PTPRD: variants seen among roughly 807,000 people sequenced by gnomAD.
The protein encoded by PTPRD is protein tyrosine phosphatase receptor type D.
PTPRD carries 34 observed loss-of-function variants against 214.5 expected under a neutral mutation model. The observed-to-expected ratio is 0.16, with a 90% confidence interval of 0.12 to 0.21. The LOEUF (loss-of-function observed/expected upper bound fraction) is 0.21. PTPRD is among the 10% of genes least tolerant of loss of function. PTPRD has a pLI of 1.00. For synonymous variants in PTPRD, 1,128 were observed against 845.7 expected (o/e 1.33, Z -5.79); for missense variants, 2,545 against 2,398.7 (o/e 1.06, Z -1.27).
At chr9:8,610,176 C>T (rs1479538102) in intron 14 of PTPRD, among the ~76,000 whole-genome samples, 1 of 152,086 alleles carries the variant, frequency 6.6e-6, no homozygotes, top group East Asian at 1.9e-4. Flanking sequence ...TGTTGTTGTG[C>T]AAACACTGCT....
intron 2 of PTPRD, among the ~76,000 whole-genome samples, chr9:10,530,866 A>T (rs1274318002): frequency 6.6e-6 from 1 of 152,172 alleles, no homozygotes; most frequent in Non-Finnish European, 1.5e-5. Context: ...CCACTGCTAA[A>T]TGTAGAAGAT....
At chr9:8,792,512 A>G (rs2096269753) in intron 11 of PTPRD, among the ~76,000 whole-genome samples, 1 of 152,200 alleles carries the variant, frequency 6.6e-6, no homozygotes, top group African/African-American at 2.4e-5. Flanking sequence ...GAGGAAGACA[A>G]TGAGGAAATA....
intron 14 of PTPRD, among the ~76,000 whole-genome samples, chr9:8,539,588 A>C (rs184182821): frequency 6.6e-6 from 1 of 152,148 alleles, no homozygotes; most frequent in East Asian, 1.9e-4. Flanking sequence ...TTAAAAAATC[A>C]AAGTTAATAA....
intron 7 of PTPRD, among the ~76,000 whole-genome samples, chr9:9,628,329 G>C (rs1452958125): frequency 6.6e-6 from 1 of 152,108 alleles, no homozygotes; most frequent in Non-Finnish European, 1.5e-5. Flanking sequence ...TATCCTACCA[G>C]CAGCTCAAAA....
At chr9:8,783,725 T>C (rs1056471913) in intron 11 of PTPRD, among the ~76,000 whole-genome samples, 11 of 152,202 alleles carry the variant, frequency 7.2e-5, no homozygotes, top group Admixed American at 3.3e-4. Context: ...CGTTTCAATA[T>C]TGCAGTACTG....
At chr9:9,136,108 T>G (rs1340911801) in intron 10 of PTPRD, among the ~76,000 whole-genome samples, 1 of 152,138 alleles carries the variant, frequency 6.6e-6, no homozygotes, top group Admixed American at 6.6e-5. Flanking sequence ...CGTCATAGTA[T>G]AGAAAGGTGA....
At chr9:9,023,101 G>A (rs967329070) in intron 10 of PTPRD, among the ~76,000 whole-genome samples, 1 of 152,014 alleles carries the variant, frequency 6.6e-6, no homozygotes, top group Non-Finnish European at 1.5e-5. Flanking sequence ...TAACTTCATG[G>A]GGTTTTGGTA....
At chr9:10,098,487 G>C (rs1276293891) in intron 3 of PTPRD, among the ~76,000 whole-genome samples, 1 of 151,396 alleles carries the variant, frequency 6.6e-6, no homozygotes, top group African/African-American at 2.4e-5. Context: ...AAAACTTAAA[G>C]TATAATAATA....
At chr9:9,490,556 A>G (rs35177175) in intron 8 of PTPRD, among the ~76,000 whole-genome samples, 12,225 of 152,090 alleles carry the variant, frequency 0.08, 617 homozygotes, top group South Asian at 0.14. Context: ...CACAATGTAT[A>G]AAAATGAAAT....
At chr9:8,469,915 TCA>T (rs1196206704) in intron 31 of PTPRD, among the ~76,000 whole-genome samples, 1 of 152,096 alleles carries the variant, frequency 6.6e-6, no homozygotes, top group East Asian at 1.9e-4. Context: ...TCTGGTCAGA[TCA>T]CAGTCTCCTT....
At chr9:9,094,699 A>T (rs1197463020) in intron 10 of PTPRD, among the ~76,000 whole-genome samples, 1 of 152,118 alleles carries the variant, frequency 6.6e-6, no homozygotes, top group East Asian at 1.9e-4. Flanking sequence ...AAGAAAGAAA[A>T]CTTTAGGCCC....
intron 9 of PTPRD, among the ~76,000 whole-genome samples, chr9:9,323,907 T>C (rs1482750783): frequency 6.6e-6 from 1 of 152,186 alleles, no homozygotes. Context: ...TTCTCATTGT[T>C]CAATGCCCAG....
intron 5 of PTPRD, among the ~76,000 whole-genome samples, chr9:9,932,097 C>A (rs1258003578): frequency 2.0e-5 from 3 of 148,756 alleles, no homozygotes; most frequent in Non-Finnish European, 4.5e-5. Flanking sequence ...CATCAAAGAC[C>A]AAAAGTAGAT....
At chr9:9,731,401 A>G (rs2098189083) in intron 7 of PTPRD, among the ~76,000 whole-genome samples, 1 of 152,116 alleles carries the variant, frequency 6.6e-6, no homozygotes, top group Admixed American at 6.6e-5. Flanking sequence ...TCACATTCAC[A>G]GCATTGTTTT....
intron 3 of PTPRD, among the ~76,000 whole-genome samples, chr9:10,293,979 C>A (rs1198370697): frequency 6.6e-6 from 1 of 151,890 alleles, no homozygotes; most frequent in Non-Finnish European, 1.5e-5. Context: ...AAATGTGTGA[C>A]AGATTTTCAC....
chr9:8,417,124 T>C (rs1202935183), intron 35 of PTPRD, among the ~76,000 whole-genome samples: 2 of 152,156 alleles, frequency 1.3e-5, no homozygotes, highest in Non-Finnish European at 2.9e-5. Context: ...CATCCCACAG[T>C]TGTTATTGCC....
intron 27 of PTPRD, among the ~76,000 whole-genome samples, chr9:8,487,871 CGG>C (rs1224367905): frequency 6.6e-6 from 1 of 150,738 alleles, no homozygotes; most frequent in African/African-American, 2.4e-5. Context: ...CTTATCTCTA[CGG>C]GGGGAGGGGG....
chr9:10,440,623 C>T (rs78688749), intron 2 of PTPRD, among the ~76,000 whole-genome samples: 1 of 151,566 alleles, frequency 6.6e-6, no homozygotes, highest in African/African-American at 2.4e-5. Flanking sequence ...CAAAAGTAAA[C>T]GTGTTAATGG....
chr9:8,946,156 G>T (rs904072376), intron 11 of PTPRD, among the ~76,000 whole-genome samples: 1 of 152,116 alleles, frequency 6.6e-6, no homozygotes, highest in African/African-American at 2.4e-5. Context: ...TCAAGAAAAA[G>T]ATAACCAGTT....
Sources: allele counts gnomAD v4.1 joint callset (sites outside exome capture counted in the v4.1 genomes callset), GRCh38; gene constraint gnomAD v4.1.1; transcripts MANE v1.5; gene names NCBI Gene and HGNC (gene_info 2026-07-23, HGNC 2026-07-21).